MOXD1: variants seen among roughly 807,000 people sequenced by gnomAD.
The protein encoded by MOXD1 is DBH-like monooxygenase protein 1.
MOXD1 carries 62 observed loss-of-function variants against 66.6 expected under a neutral mutation model. That is an observed-to-expected ratio of 0.93 (90% CI 0.76 to 1.15). The LOEUF is 1.15. Ranked by LOEUF, MOXD1 falls within the 50% of genes most tolerant of loss-of-function variation. The probability of loss-of-function intolerance (pLI) is 0.00; values close to 1 mark genes in which losing one functional copy is unlikely to be tolerated. For missense variants in MOXD1, 847 were observed against 754.6 expected (o/e 1.12, Z -1.44); for synonymous variants, 303 against 281.9 (o/e 1.07, Z -0.75).
At chr6:132,327,549 A>G (rs1223429779) in intron 6 of MOXD1, among the ~76,000 whole-genome samples, 1 of 152,222 alleles carries the variant, frequency 6.6e-6, no homozygotes, top group South Asian at 2.1e-4. Flanking sequence ...CTTCAATATC[A>G]TATTACACGG....
intron 8 of MOXD1, among the ~76,000 whole-genome samples, chr6:132,322,299 C>T (rs1775092459): frequency 6.6e-6 from 1 of 152,086 alleles, no homozygotes; most frequent in Non-Finnish European, 1.5e-5. Flanking sequence ...CTAAAAATAT[C>T]CTATCTCTTC....
chr6:132,329,532 A>C (rs1408632836), intron 4 of MOXD1, among the ~76,000 whole-genome samples: 1 of 152,054 alleles, frequency 6.6e-6, no homozygotes, highest in Non-Finnish European at 1.5e-5. Context: ...TCCACCTCAA[A>C]ATGTTATCTT....
chr6:132,384,680 A>AAG (rs35268820), intron 1 of MOXD1, among the ~76,000 whole-genome samples: 65,759 of 151,794 alleles, frequency 0.43, 19,878 homozygotes, highest in African/African-American at 0.84. Context: ...AGTTTCCAGG[A>AAG]AGAGATTAGC....
At chr6:132,335,283 T>G (rs1775414398) in intron 4 of MOXD1, among the ~76,000 whole-genome samples, 1 of 152,144 alleles carries the variant, frequency 6.6e-6, no homozygotes, top group African/African-American at 2.4e-5. Flanking sequence ...AAACATATTT[T>G]TTTTTTTTGC....
intron 1 of MOXD1, among the ~76,000 whole-genome samples, chr6:132,392,504 G>A (rs1202151057): frequency 6.6e-6 from 1 of 152,152 alleles, no homozygotes; most frequent in African/African-American, 2.4e-5. Flanking sequence ...TCGGGCGGGG[G>A]TGGAGTTGCT....
At chr6:132,392,273 C>T (rs758687130) in intron 1 of MOXD1, 2 of 1,603,132 alleles carry the variant, frequency 1.2e-6, no homozygotes, top group Non-Finnish European at 8.5e-7. Context: ...CATCACAGGC[C>T]TCAGTTTTTG....
chr6:132,331,862 G>C (rs746342442), intron 4 of MOXD1, among the ~76,000 whole-genome samples: 1 of 152,092 alleles, frequency 6.6e-6, no homozygotes, highest in Admixed American at 6.5e-5. Context: ...AGTTGCTGCC[G>C]GTGGGAGGGA....
intron 4 of MOXD1, among the ~76,000 whole-genome samples, chr6:132,356,028 A>C (rs993738137): frequency 6.6e-6 from 1 of 152,236 alleles, no homozygotes; most frequent in Admixed American, 6.5e-5. Context: ...AATTCACAAC[A>C]GGCAAAATTA....
At chr6:132,351,461 T>G (rs1775802116) in intron 4 of MOXD1, among the ~76,000 whole-genome samples, 1 of 152,208 alleles carries the variant, frequency 6.6e-6, no homozygotes, top group South Asian at 2.1e-4. Context: ...TTGCCTATGC[T>G]TAACCATTCC....
chr6:132,373,148 A>G lies in MOXD1; in HGVS notation c.412-151T>C, dbSNP rs1268757259. ...GTTATCAACATGGTCTCTAATATTA[A>G]TTGCACAAATTTGATTAAGTCATTA... is the stretch of plus-strand genomic sequence containing the variant. On this transcript the variant is annotated intron_variant, in intron 2 of 11. Coordinates refer to ENST00000367963, the MANE Select transcript of MOXD1 (RefSeq NM_015529.4). The G allele has an allele frequency of 8.3e-6, 6 of 723,286 alleles. No individual in the cohort carries two copies. In the East Asian group the frequency reaches 1.7e-4, roughly 20 times the overall value. The allele number at this position is 723,286 out of a possible 1,614,324, so 44.8% of individuals were successfully genotyped here.
intron 10 of MOXD1, among the ~76,000 whole-genome samples, chr6:132,305,564 G>C (rs1022297508): frequency 2.0e-5 from 3 of 152,206 alleles, no homozygotes; most frequent in Non-Finnish European, 4.4e-5. Flanking sequence ...AAATGGGTGA[G>C]ACCCTTCAAT....
At chr6:132,397,022 G>A (rs771070760) in intron 1 of MOXD1, among the ~76,000 whole-genome samples, 3 of 152,134 alleles carry the variant, frequency 2.0e-5, no homozygotes, top group Non-Finnish European at 4.4e-5. Flanking sequence ...GAAAGACTAA[G>A]TCATAAAAGG....
At position 132,296,845 on chromosome 6, in the gene MOXD1, C is replaced by A. The variant is rs187120462; in HGVS notation, c.*308G>T. Reference sequence around the variant, plus strand: ...AGCAACAATGAGTATTTAAATAAAACAGAATGTAGTAGGAAAGAAAGAATT... The same window carrying A: ...AGCAACAATGAGTATTTAAATAAAAAAGAATGTAGTAGGAAAGAAAGAATT... On this transcript the variant is annotated 3_prime_UTR_variant, in exon 12 of 12. Transcript: ENST00000367963. 2.5e-5 allele frequency: 5 copies of A among 199,256 alleles called. No homozygotes were observed. Among genetic ancestry groups the A allele is most frequent in the Admixed American group, 1.8e-4 (3 of 17,116 alleles). The allele number at this position is 199,256 out of a possible 1,614,324, so 12.3% of individuals were successfully genotyped here. A position where few individuals can be genotyped will look rare whatever the true frequency, so the allele number is the denominator to read the frequency against.
intron 4 of MOXD1, among the ~76,000 whole-genome samples, chr6:132,364,413 G>A (rs1037821978): frequency 1.1e-4 from 16 of 152,070 alleles, no homozygotes; most frequent in Non-Finnish European, 2.1e-4. Context: ...AAGCAATGAC[G>A]AGCCTATTAT....
At position 132,378,143 on chromosome 6, in the gene MOXD1, A is replaced by T. The variant is rs555172218; in HGVS notation, c.265-3366T>A. ...AGAGAAACTCCATCTCAAAAAAAAA[A>T]TTTTTTTTTCATATTTTCCAACTTT... On this transcript the variant is annotated intron_variant, in intron 1 of 11. Transcript: ENST00000367963. 3.0e-3 allele frequency among the ~76,000 whole-genome samples: 451 copies of T among 151,686 alleles called. 5 individuals carry two copies. The highest frequency in any genetic ancestry group is 0.01 in the African/African-American group (425 of 41,364).
At chr6:132,370,830 A>G (rs1050984062) in intron 4 of MOXD1, among the ~76,000 whole-genome samples, 2 of 152,170 alleles carry the variant, frequency 1.3e-5, no homozygotes, top group Non-Finnish European at 1.5e-5. Flanking sequence ...GAATTACTTG[A>G]TACGCTTCTT....
intron 4 of MOXD1, among the ~76,000 whole-genome samples, chr6:132,367,459 G>A (rs1340586471): frequency 2.6e-5 from 4 of 152,002 alleles, no homozygotes; most frequent in Admixed American, 6.6e-5. Flanking sequence ...TTTTCCAGAG[G>A]AGGAAACTGA....
At chr6:132,390,106 C>T (rs1416506575) in intron 1 of MOXD1, among the ~76,000 whole-genome samples, 1 of 151,416 alleles carries the variant, frequency 6.6e-6, no homozygotes, top group Non-Finnish European at 1.5e-5. Context: ...TAGATCAAAG[C>T]TTGAAAGACT....
intron 10 of MOXD1, among the ~76,000 whole-genome samples, chr6:132,305,111 T>A (rs1774658150): frequency 1.3e-5 from 2 of 152,190 alleles, no homozygotes; most frequent in Non-Finnish European, 2.9e-5. Flanking sequence ...CCTAACGTAC[T>A]AAGCTCCCTG....
Sources: allele counts gnomAD v4.1 joint callset (sites outside exome capture counted in the v4.1 genomes callset), GRCh38; gene constraint gnomAD v4.1.1; transcripts MANE v1.5; gene names NCBI Gene and HGNC (gene_info 2026-07-23, HGNC 2026-07-21).